The following PRKCH variants were observed in gnomAD, a reference collection of about 807,000 sequenced individuals.
The protein encoded by PRKCH is protein kinase C eta, also known as protein kinase C eta type.
In PRKCH, 28 loss-of-function variants were observed where a neutral mutation model predicts 82.5. The ratio of observed to expected loss-of-function variants is 0.34; its 90% CI spans 0.25 to 0.47. The LOEUF is 0.47. Ranked by LOEUF, PRKCH falls within the 20% of genes least tolerant of loss-of-function variation. The pLI, the probability that PRKCH is intolerant of heterozygous loss-of-function variation, is 1.00. For synonymous variants in PRKCH, 322 were observed against 327.4 expected (o/e 0.98, Z 0.18); for missense variants, 705 against 881.8 (o/e 0.80, Z 2.54).
In PRKCH at chr14:61,499,679, T is replaced by C. The variant is rs149713129; in HGVS notation, c.1433+14023T>C. 5.5e-4 allele frequency among the ~76,000 whole-genome samples: 83 copies of C among 152,244 alleles called. 2 individuals are homozygous for C. The East Asian group carries it at 0.013, about 25-fold the overall frequency. ...AGCTGGAATGGAGTTCAAAGTTATA[T>C]ACCCTTCTTCTTTCAAAGCATGAAT... On this transcript the variant is annotated intron_variant, in intron 10 of 13. Coordinates refer to ENST00000332981, the MANE Select transcript of PRKCH (RefSeq NM_006255.5).
At chr14:61,445,280 C>T (rs539139449) in intron 3 of PRKCH, among the ~76,000 whole-genome samples, 2 of 152,340 alleles carry the variant, frequency 1.3e-5, no homozygotes, top group East Asian at 1.9e-4. Context: ...CAGGCAGCTG[C>T]GGTAGACTCA....
intron 1 of PRKCH, among the ~76,000 whole-genome samples, chr14:61,257,001 A>G (rs2045003234): frequency 6.6e-6 from 1 of 152,206 alleles, no homozygotes; most frequent in Admixed American, 6.6e-5. Context: ...TGGTCCAAAT[A>G]AAGTGCTTCC....
intron 1 of PRKCH, among the ~76,000 whole-genome samples, chr14:61,332,258 A>G (rs1422328628): frequency 6.6e-6 from 1 of 152,246 alleles, no homozygotes; most frequent in East Asian, 1.9e-4. Flanking sequence ...GGTATTGACT[A>G]TGGTAGTGTT....
chr14:61,472,265 G>A (rs1277149092), intron 9 of PRKCH, among the ~76,000 whole-genome samples: 1 of 152,168 alleles, frequency 6.6e-6, no homozygotes, highest in Non-Finnish European at 1.5e-5. Context: ...TTTTTAAAAA[G>A]CAAGCAGTAC....
chr14:61,475,374 A>G (rs1336383838), intron 9 of PRKCH, among the ~76,000 whole-genome samples: 2 of 152,204 alleles, frequency 1.3e-5, no homozygotes, highest in African/African-American at 2.4e-5. Context: ...GTGTATTTCA[A>G]ATGTGGATAG....
At chr14:61,432,670 G>A (rs1242870550) in intron 2 of PRKCH, among the ~76,000 whole-genome samples, 1 of 152,138 alleles carries the variant, frequency 6.6e-6, no homozygotes, top group Non-Finnish European at 1.5e-5. Context: ...GGACTCTTAA[G>A]AGCTAGAAGG....
At chr14:61,524,530 T>G (rs2042943708) in intron 10 of PRKCH, among the ~76,000 whole-genome samples, 1 of 152,206 alleles carries the variant, frequency 6.6e-6, no homozygotes, top group Admixed American at 6.5e-5. Context: ...GCTGCTGAGT[T>G]ACATGTTGGC....
chr14:61,386,455 C>T (rs2046589043), intron 1 of PRKCH, among the ~76,000 whole-genome samples: 1 of 152,126 alleles, frequency 6.6e-6, no homozygotes, highest in Non-Finnish European at 1.5e-5. Flanking sequence ...AGGAGTGGAG[C>T]AGGGGTAGAT....
chr14:61,247,075 C>T (rs2044891299), intron 1 of PRKCH, among the ~76,000 whole-genome samples: 1 of 152,142 alleles, frequency 6.6e-6, no homozygotes, highest in South Asian at 2.1e-4. Context: ...CGTTGAAATG[C>T]CTCATCTCCC....
intron 10 of PRKCH, among the ~76,000 whole-genome samples, chr14:61,528,562 G>A (rs111775790): frequency 1.1e-4 from 16 of 152,198 alleles, no homozygotes; most frequent in Non-Finnish European, 1.5e-4. Flanking sequence ...AATCCCCGCC[G>A]TCATGGAGCT....
intron 1 of PRKCH, among the ~76,000 whole-genome samples, chr14:61,379,482 A>G (rs1375817880): frequency 6.6e-6 from 1 of 152,258 alleles, no homozygotes; most frequent in Non-Finnish European, 1.5e-5. Flanking sequence ...TATGTATGCT[A>G]AATATGTAGT....
At chr14:61,251,839 T>A (rs1397188212) in intron 1 of PRKCH, among the ~76,000 whole-genome samples, 2 of 152,072 alleles carry the variant, frequency 1.3e-5, no homozygotes, top group Non-Finnish European at 2.9e-5. Context: ...AGGGTCTTTT[T>A]TTTTTTTTTA....
intron 1 of PRKCH, among the ~76,000 whole-genome samples, chr14:61,326,130 A>G (rs2045692800): frequency 6.6e-6 from 1 of 152,254 alleles, no homozygotes; most frequent in South Asian, 2.1e-4. Flanking sequence ...TCATTCATAC[A>G]AAAGCTTGTC....
chr14:61,398,983 A>G (rs2046824970), intron 2 of PRKCH, among the ~76,000 whole-genome samples: 1 of 152,252 alleles, frequency 6.6e-6, no homozygotes, highest in South Asian at 2.1e-4. Flanking sequence ...AGGATATTAC[A>G]GAATTGTTGA....
Position 61,280,684 on chromosome 14 carries a change from G to A in PRKCH, c.-19+93016G>A. 2 of 1,575,240 alleles carry A rather than the reference G, an allele frequency of 1.3e-6. No homozygotes were observed. Among genetic ancestry groups the A allele is most frequent in the Middle Eastern group, 1.7e-4 (1 of 5,942 alleles). On this transcript the variant is annotated intron_variant, in intron 1 of 3. Transcript: ENST00000555185. This position sits in a 1 kb window ranked among gnomAD's most constrained non-coding sequence, Gnocchi z 5.0. Reference sequence around the variant, plus strand: ...GCCGCAGGGCGCGATGGGCAGGCCGGCCGCGCTGCGCTGGTAGGGGGCGCA... The same window carrying A: ...GCCGCAGGGCGCGATGGGCAGGCCGACCGCGCTGCGCTGGTAGGGGGCGCA...
chr14:61,250,844 C>T (rs149951713), intron 1 of PRKCH, among the ~76,000 whole-genome samples: 2 of 151,820 alleles, frequency 1.3e-5, no homozygotes, highest in Admixed American at 6.6e-5. Context: ...TAGATGGGAA[C>T]TCTCTATATT....
rs376577059 is a variant in PRKCH at position 61,547,732 on chromosome 14, C to G, written c.1762-11C>G. ...AATGAATGATTGACACTTTCTCTCT[C>G]TCTCACTCAGTTCATGACCAAGAAC... On this transcript the variant is annotated splice_polypyrimidine_tract_variant and intron_variant, in intron 12 of 13. Transcript: ENST00000332981. The G allele has an allele frequency of 2.5e-6, 4 of 1,610,946 alleles. No individual in the cohort carries two copies. Among genetic ancestry groups the G allele is most frequent in the Admixed American group, 3.3e-5 (2 of 59,816 alleles).
intron 2 of PRKCH, among the ~76,000 whole-genome samples, chr14:61,435,120 C>T (rs1023574437): frequency 6.6e-6 from 1 of 152,166 alleles, no homozygotes; most frequent in Non-Finnish European, 1.5e-5. Context: ...CAACCAGGTC[C>T]TTGAAATTCC....
chr14:61,239,322 A>G (rs1355403984), intron 1 of PRKCH, among the ~76,000 whole-genome samples: 1 of 152,174 alleles, frequency 6.6e-6, no homozygotes, highest in Non-Finnish European at 1.5e-5. Context: ...AGAGCGGGCC[A>G]ACAAACAAGA....
Sources: allele counts gnomAD v4.1 joint callset (sites outside exome capture counted in the v4.1 genomes callset), GRCh38; gene constraint gnomAD v4.1.1; non-coding constraint Gnocchi (gnomAD v3.1); transcripts MANE v1.5; gene names NCBI Gene and HGNC (gene_info 2026-07-23, HGNC 2026-07-21).